The following TACC3 variants were observed in gnomAD, a reference collection of about 807,000 sequenced individuals.
The protein encoded by TACC3 is transforming acidic coiled-coil containing protein 3.
TACC3 carries 52 observed loss-of-function variants against 86.0 expected under a neutral mutation model. The observed-to-expected ratio is 0.60, with a 90% confidence interval of 0.48 to 0.76. TACC3 has a LOEUF of 0.76. TACC3 is among the 30% of genes least tolerant of loss of function. TACC3 has a pLI of 0.00. For synonymous variants in TACC3, 512 were observed against 430.0 expected, an observed-to-expected ratio of 1.19 and a Z score of -2.36; for missense variants, 1,120 against 1,070.4, an observed-to-expected ratio of 1.05 and a Z score of -0.65.
chr4:1,740,775 C>T (rs765335563), intron 12 of TACC3, 51 bp from the exon 13 acceptor site: 115 of 1,548,080 alleles, frequency 7.4e-5, no homozygotes, highest in Non-Finnish European at 9.8e-5. Context: ...CTCTGGCACC[C>T]ATCGTTTCGG....
chr4:1,743,221 A>C (rs1294550405), intron 13 of TACC3, among the ~76,000 whole-genome samples: 1 of 140,416 alleles, frequency 7.1e-6, no homozygotes, highest in Non-Finnish European at 1.5e-5. Flanking sequence ...GCGCCATCAC[A>C]CTATGGCCTG....
Position 1,739,559 on chromosome 4 carries a change from T to TC in TACC3, c.1942-140dup, listed in dbSNP as rs1211952634. ...CTTGGCCTCGACAGGGTTCCCAGGGTCCCACTGGAAGCCCCACATGGAACT... is the reference window on the plus strand; with the variant it reads ...CTTGGCCTCGACAGGGTTCCCAGGGTCCCCACTGGAAGCCCCACATGGAACT... On this transcript the variant is annotated intron_variant, in intron 10 of 15. Coordinates refer to ENST00000313288, the MANE Select transcript of TACC3 (RefSeq NM_006342.3). The TC allele has an allele frequency of 6.8e-6, 5 of 739,010 alleles. No homozygotes were observed. In the East Asian group the frequency reaches 1.4e-4, roughly 20 times the overall value. The allele number at this position is 739,010 out of a possible 1,614,324, so 45.8% of individuals were successfully genotyped here.
Position 1,723,455 on chromosome 4 carries a change from A to G in TACC3, c.34A>G (p.Ser12Gly), listed in dbSNP as rs759201169. 8.1e-6 allele frequency: 13 copies of G among 1,613,432 alleles called. No homozygotes were observed. The highest frequency in any genetic ancestry group is 1.1e-5 in the Non-Finnish European group (13 of 1,179,988). Residue 12 changes from serine to glycine, a missense_variant, in exon 2 of 16, where the codon AGC becomes GGC. Coordinates refer to ENST00000313288, the MANE Select transcript of TACC3 (RefSeq NM_006342.3). ...GCAGGTCTTAAACGACAAAAATGTC[A>G]GCAATGAAAAAAATACAGAAAATTG... ...SLQVLNDKNVSNEKNTENCDF... is the reference protein window; with the variant it reads ...SLQVLNDKNVGNEKNTENCDF...
In TACC3 at chr4:1,735,282, C is replaced by T. The variant is rs116852708; in HGVS notation, c.1601C>T (p.Thr534Met). 4.5e-5 allele frequency: 72 copies of T among 1,614,040 alleles called. 1 individual carries two copies. The highest frequency in any genetic ancestry group is 3.0e-4 in the South Asian group (27 of 91,090). Reference protein sequence around the residue: ...SFRDPAEVLGTGAEVDYLEQF... With the variant: ...SFRDPAEVLGMGAEVDYLEQF... Reference sequence around the variant, plus strand: ...GATTCACTCCTCTCAGTTCTAGGCACGGGCGCGGAGGTGGATTACCTGGAG... The same window carrying T: ...GATTCACTCCTCTCAGTTCTAGGCATGGGCGCGGAGGTGGATTACCTGGAG... Residue 534 changes from threonine (T) to methionine (M), a missense_variant, in exon 7 of 16, where the codon ACG (threonine) becomes ATG (methionine). Physicochemically the swap from Thr to Met is moderately conservative, Grantham distance 81. Coordinates refer to ENST00000313288, the MANE Select transcript of TACC3 (RefSeq NM_006342.3). The surrounding 1 kb of genome is among the most constrained non-coding windows in gnomAD (Gnocchi z 4.2).
At chr4:1,744,089 A>T (rs34770519) in intron 13 of TACC3, among the ~76,000 whole-genome samples, 2 of 92,916 alleles carry the variant, frequency 2.2e-5, no homozygotes, top group Admixed American at 1.0e-4. Flanking sequence ...AGGGGGCAGC[A>T]GCCTGTGAGG....
rs1478429598 is a variant in TACC3, at chr4:1,728,739, A to T, written c.1337A>T (p.Gln446Leu). The T allele has an allele frequency of 6.2e-7, 1 of 1,612,616 alleles. No homozygotes were observed. The part of the protein sequence containing the change: ...ETRLGQPAAE[Q>L]LHAGPATEEP... ...AGGCTGGGCCAGCCAGCGGCTGAACAGTTGCATGCTGGGCCTGCCACGGAG... is the reference window on the plus strand; with the variant it reads ...AGGCTGGGCCAGCCAGCGGCTGAACTGTTGCATGCTGGGCCTGCCACGGAG... The change falls in exon 4 of 16, where the codon CAG becomes CTG. Residue 446 changes from glutamine (Q) to leucine (L), a missense_variant. Coordinates refer to ENST00000313288, the MANE Select transcript of TACC3 (RefSeq NM_006342.3).
chr4:1,727,029 G>T (rs1239827681), intron 3 of TACC3, among the ~76,000 whole-genome samples: 2 of 152,108 alleles, frequency 1.3e-5, no homozygotes, highest in Non-Finnish European at 2.9e-5. Flanking sequence ...TACTTGGGAG[G>T]CTGAGGCAGG....
intron 13 of TACC3, chr4:1,742,131 G>A (rs2108720635): frequency 6.6e-6 from 1 of 152,376 alleles, no homozygotes; most frequent in South Asian, 2.1e-4. Context: ...ACTGTTGATA[G>A]ACCCACAGGA....
chr4:1,728,264 A>C lies in TACC3; in HGVS notation c.862A>C (p.Thr288Pro), dbSNP rs1717809928. ...GVGTPVPADG[T>P]QTLTCAHTSA... Reference sequence around the variant, plus strand: ...GGGCACCCCCGTGCCAGCAGATGGCACTCAGACCCTTACCTGTGCACACAC... The same window carrying C: ...GGGCACCCCCGTGCCAGCAGATGGCCCTCAGACCCTTACCTGTGCACACAC... The change falls in exon 4 of 16, where the codon ACT becomes CCT. Residue 288 changes from threonine (T) to proline (P), a missense_variant. Transcript: ENST00000313288. 4 of 1,612,546 alleles carry C rather than the reference A, an allele frequency of 2.5e-6. No homozygotes were observed. In the South Asian group the frequency reaches 3.3e-5, roughly 13 times the overall value.
chr4:1,740,725 C>T, intron 12 of TACC3, 101 bp from the exon 13 acceptor site: 1 of 1,086,074 alleles, frequency 9.2e-7, no homozygotes, highest in Non-Finnish European at 1.3e-6. Flanking sequence ...CCCACCTCTC[C>T]TCCTGGCGCT....
chr4:1,724,794 C>T (rs1717604242), intron 3 of TACC3, among the ~76,000 whole-genome samples: 1 of 152,070 alleles, frequency 6.6e-6, no homozygotes, highest in South Asian at 2.1e-4. Context: ...CAGAGTTTCG[C>T]TCTGTCACCC....
chr4:1,744,632 C>T lies in TACC3; in HGVS notation c.2330+8C>T. 6.2e-7 allele frequency: 1 copy of T among 1,612,734 alleles called. No individual in the cohort carries two copies. Among genetic ancestry groups the T allele is most frequent in the Non-Finnish European group, 8.5e-7 (1 of 1,179,818 alleles). ...GGAGGAGAAGCTGCAGCTGTGAGTG[C>T]TGGGCGAGGCCCCACCCTGGAGGGA... is the stretch of plus-strand genomic sequence containing the variant. On this transcript the variant is annotated splice_region_variant and intron_variant, in intron 14 of 15. Transcript: ENST00000313288.
Position 1,735,150 on chromosome 4 carries a change from C to CAAA in TACC3, c.1592-121_1592-120insAAA, listed in dbSNP as rs1560312135. 2.9e-6 allele frequency: 4 copies of CAAA among 1,373,186 alleles called. No homozygotes were observed. The highest frequency in any genetic ancestry group is 4.1e-6 in the Non-Finnish European group (4 of 984,094). The allele number at this position is 1,373,186 out of a possible 1,614,324, so 85.1% of individuals were successfully genotyped here. A position where few individuals can be genotyped will look rare whatever the true frequency, so the allele number is the denominator to read the frequency against. ...GTCAGGCCCCGAACATCCACACCTC[C>CAAA]AAGGGAGGAAATACTGCTGGCTGGA... On this transcript the variant is annotated intron_variant, in intron 6 of 15. Coordinates refer to ENST00000313288, the MANE Select transcript of TACC3 (RefSeq NM_006342.3). The surrounding 1 kb of genome is among the most constrained non-coding windows in gnomAD (Gnocchi z 4.2).
chr4:1,731,527 CTG>C (rs1248589971), intron 6 of TACC3, among the ~76,000 whole-genome samples: 1 of 152,198 alleles, frequency 6.6e-6, no homozygotes, highest in Non-Finnish European at 1.5e-5. Flanking sequence ...GAAATGGAAA[CTG>C]TAGACTCAGG....
intron 13 of TACC3, among the ~76,000 whole-genome samples, chr4:1,744,169 A>G (rs982072445): frequency 2.6e-5 from 4 of 152,190 alleles, no homozygotes; most frequent in Non-Finnish European, 5.9e-5. Flanking sequence ...CACAGGGCTC[A>G]GCTCCAGAGG....
At chr4:1,724,215 G>T (rs111719361) in intron 3 of TACC3, among the ~76,000 whole-genome samples, 2 of 150,960 alleles carry the variant, frequency 1.3e-5, no homozygotes, top group Non-Finnish European at 2.9e-5. Context: ...CTCATGATGC[G>T]CCCGCCTTGG....
At chr4:1,743,142 G>A (rs1206871571) in intron 13 of TACC3, among the ~76,000 whole-genome samples, 1 of 151,670 alleles carries the variant, frequency 6.6e-6, no homozygotes, top group Admixed American at 6.6e-5. Flanking sequence ...GGCACCTGTA[G>A]TCCCAGCTAC....
intron 10 of TACC3, chr4:1,739,217 A>G (rs1276959667): frequency 6.4e-6 from 1 of 155,294 alleles, no homozygotes; most frequent in Admixed American, 6.4e-5. Flanking sequence ...CCGAAGCAAG[A>G]CAATGGCTTG....
Position 1,737,348 on chromosome 4 carries a change from T to A in TACC3, c.1836+20T>A, listed in dbSNP as rs1718325635. 1 of 1,603,568 alleles carries A rather than the reference T, an allele frequency of 6.2e-7. No homozygotes were observed. Among genetic ancestry groups the A allele is most frequent in the Admixed American group, 1.7e-5 (1 of 59,970 alleles). ...ATTCCTGTAAGTCCTTGAGTCCCTCTTGAACTGTCTTGTGTGTGGTCTGAG... is the reference window on the plus strand; with the variant it reads ...ATTCCTGTAAGTCCTTGAGTCCCTCATGAACTGTCTTGTGTGTGGTCTGAG... On this transcript the variant is annotated intron_variant, in intron 9 of 15. Coordinates refer to ENST00000313288, the MANE Select transcript of TACC3 (RefSeq NM_006342.3).
Sources: gnomAD v4.1 joint callset for allele counts (sites outside exome capture counted in the v4.1 genomes callset) on GRCh38, gnomAD v4.1.1 for gene constraint, Gnocchi (gnomAD v3.1) non-coding constraint, MANE v1.5 for transcripts, NCBI Gene and HGNC (gene_info 2026-07-23, HGNC 2026-07-21) for gene names.